LEKR1: variants seen among roughly 807,000 people sequenced by gnomAD.
LEKR1 encodes the protein protein LEKR1.
A neutral mutation model predicts 72.4 loss-of-function variants in LEKR1; 59 were observed. That is an observed-to-expected ratio of 0.82 (90% CI 0.66 to 1.01). LEKR1 has a LOEUF of 1.01. Ranked by LOEUF, LEKR1 falls within the 50% of genes least tolerant of loss-of-function variation. The pLI is 0.00. For synonymous variants in LEKR1, 257 were observed against 263.2 expected (o/e 0.98, Z 0.23); for missense variants, 728 against 759.2 (o/e 0.96, Z 0.48).
chr3:156,941,333 T>C (rs1279092388), intron 5 of LEKR1, among the ~76,000 whole-genome samples: 1 of 152,088 alleles, frequency 6.6e-6, no homozygotes, highest in Non-Finnish European at 1.5e-5. Context: ...CTACCCCATT[T>C]TGCTTTTCTC....
rs759504421 is a variant in LEKR1 at position 157,045,788 on chromosome 3, C to T, written c.*38C>T. 1.9e-6 allele frequency: 3 copies of T among 1,565,966 alleles called. No individual in the cohort carries two copies. Among genetic ancestry groups the T allele is most frequent in the Non-Finnish European group, 8.7e-7 (1 of 1,153,176 alleles). ...AGCAGGAAGCTCCCTACAGCGTGCA[C>T]GCTCTTTCAGAGAGTGCCAGGAATT... On this transcript the variant is annotated 3_prime_UTR_variant, in exon 13 of 13. Transcript: ENST00000356539.
chr3:156,874,583 G>T (rs570396363), intron 3 of LEKR1, among the ~76,000 whole-genome samples: 3 of 151,462 alleles, frequency 2.0e-5, no homozygotes, highest in Non-Finnish European at 4.4e-5. Flanking sequence ...GTGGTTTTTT[G>T]TCACATGGAG....
chr3:156,887,929 CATT>C (rs1720272209), intron 3 of LEKR1, among the ~76,000 whole-genome samples: 1 of 151,996 alleles, frequency 6.6e-6, no homozygotes. Flanking sequence ...TGTTTTATAT[CATT>C]GTTACTATTT....
chr3:156,916,371 C>G (rs1310065484), intron 3 of LEKR1, among the ~76,000 whole-genome samples: 7 of 151,950 alleles, frequency 4.6e-5, no homozygotes, highest in Admixed American at 1.3e-4. Context: ...TTTAATGATA[C>G]TGATTCTTCC....
At chr3:156,989,118 C>T (rs571114398) in intron 7 of LEKR1, among the ~76,000 whole-genome samples, 18 of 152,212 alleles carry the variant, frequency 1.2e-4, no homozygotes, top group South Asian at 4.1e-4. Context: ...TGTGAGCCAC[C>T]GTGCCCAGCC....
At chr3:156,920,396 C>G (rs1724080895) in intron 3 of LEKR1, among the ~76,000 whole-genome samples, 179 bp from the exon 4 acceptor site, 1 of 152,100 alleles carries the variant, frequency 6.6e-6, no homozygotes, top group Non-Finnish European at 1.5e-5. Context: ...ACTCTCCTCC[C>G]CAGGATTTGG....
At chr3:156,982,531 T>C (rs1390209567) in intron 7 of LEKR1, among the ~76,000 whole-genome samples, 2 of 152,162 alleles carry the variant, frequency 1.3e-5, no homozygotes, top group African/African-American at 2.4e-5. Context: ...TACAATTACC[T>C]TAGACCAAGC....
chr3:156,898,601 AT>A (rs1446831221), intron 3 of LEKR1, among the ~76,000 whole-genome samples: 2 of 152,044 alleles, frequency 1.3e-5, no homozygotes, highest in African/African-American at 4.8e-5. Context: ...AATCTATGCT[AT>A]TTTTGTTACA....
At chr3:156,893,106 T>C (rs1182501514) in intron 3 of LEKR1, among the ~76,000 whole-genome samples, 4 of 152,178 alleles carry the variant, frequency 2.6e-5, no homozygotes, top group African/African-American at 9.7e-5. Context: ...TCAGGTTCTG[T>C]ATTTTGGAGA....
chr3:157,026,718 G>A (rs1734214417), intron 11 of LEKR1, among the ~76,000 whole-genome samples: 1 of 152,150 alleles, frequency 6.6e-6, no homozygotes, highest in South Asian at 2.1e-4. Context: ...CTTGGTCTGT[G>A]AATGTTTTCC....
chr3:156,899,571 TATATAC>T (rs1221977890), intron 3 of LEKR1, among the ~76,000 whole-genome samples: 1 of 143,760 alleles, frequency 7.0e-6, no homozygotes, highest in Non-Finnish European at 1.5e-5. Context: ...TATACATGTA[TATATAC>T]ATATACATGT....
chr3:157,020,681 T>C (rs1390550131), intron 10 of LEKR1, among the ~76,000 whole-genome samples: 2 of 151,950 alleles, frequency 1.3e-5, no homozygotes, highest in Non-Finnish European at 2.9e-5. Context: ...TCTATCATTG[T>C]TGGACATTTG....
At chr3:156,898,616 A>T (rs11914959) in intron 3 of LEKR1, among the ~76,000 whole-genome samples, 1 of 151,938 alleles carries the variant, frequency 6.6e-6, no homozygotes, top group African/African-American at 2.4e-5. Context: ...TGTTACAGCC[A>T]CCCGGATGGA....
chr3:156,979,102 C>A, intron 6 of LEKR1, 92 bp from the exon 7 acceptor site: 1 of 526,416 alleles, frequency 1.9e-6, no homozygotes, highest in Non-Finnish European at 3.2e-6. Context: ...TCTTCAGGAG[C>A]TGACTAGCAA....
intron 3 of LEKR1, among the ~76,000 whole-genome samples, chr3:156,858,275 G>A (rs969584510): frequency 2.0e-5 from 3 of 152,260 alleles, no homozygotes; most frequent in South Asian, 4.2e-4. Flanking sequence ...GACAGAGAGA[G>A]AGAGAGCTTT....
intron 3 of LEKR1, among the ~76,000 whole-genome samples, chr3:156,855,274 G>T (rs1292836902): frequency 6.6e-6 from 1 of 152,130 alleles, no homozygotes; most frequent in Admixed American, 6.6e-5. Flanking sequence ...GCCAATAGTT[G>T]ATGAAGTGAC....
At chr3:156,880,876 A>G (rs1299183654) in intron 3 of LEKR1, among the ~76,000 whole-genome samples, 3 of 152,268 alleles carry the variant, frequency 2.0e-5, no homozygotes, top group African/African-American at 2.4e-5. Flanking sequence ...AATCCAGCAT[A>G]TAAACAGAAC....
intron 12 of LEKR1, among the ~76,000 whole-genome samples, chr3:157,043,372 T>A: frequency 6.6e-6 from 1 of 151,978 alleles, no homozygotes; most frequent in South Asian, 2.1e-4. Context: ...ATGGATTGGG[T>A]CTTCCCCCCA....
intron 3 of LEKR1, among the ~76,000 whole-genome samples, chr3:156,885,328 G>A (rs540536067): frequency 2.2e-4 from 34 of 152,262 alleles, no homozygotes; most frequent in Middle Eastern, 3.4e-3. Context: ...TGGGGAGCTG[G>A]TGTGATCTTT....
Sources: allele counts gnomAD v4.1 joint callset (sites outside exome capture counted in the v4.1 genomes callset), GRCh38; gene constraint gnomAD v4.1.1; transcripts MANE v1.5; gene names NCBI Gene and HGNC (gene_info 2026-07-23, HGNC 2026-07-21).